Variants in GC observed in about 807,000 individuals in gnomAD.
The protein encoded by GC is vitamin D-binding protein.
In GC, 43 loss-of-function variants were observed where a neutral mutation model predicts 56.7. The ratio of observed to expected loss-of-function variants is 0.76; its 90% CI spans 0.59 to 0.98. GC has a LOEUF of 0.98. GC is among the 50% of genes least tolerant of loss of function. The probability of loss-of-function intolerance (pLI) is 0.00; values close to 1 mark genes in which losing one functional copy is unlikely to be tolerated. For synonymous variants in GC, 216 were observed against 202.7 expected (o/e 1.07, Z -0.56); for missense variants, 529 against 545.9 (o/e 0.97, Z 0.31).
At chr4:71,785,648 C>T (rs780485926), upstream of GC, among the ~76,000 whole-genome samples, 10 of 151,706 alleles carry the variant, frequency 6.6e-5, no homozygotes, top group Non-Finnish European at 1.2e-4. Context: ...CTTTCCTGTC[C>T]AAGAGCCAAC....
intron 1 of GC, among the ~76,000 whole-genome samples, chr4:71,776,056 A>G (rs1742498444): frequency 2.6e-5 from 4 of 152,028 alleles, no homozygotes; most frequent in Admixed American, 2.0e-4. Flanking sequence ...GTTGGTGGAA[A>G]TATACATTAG....
chr4:71,763,884 C>G lies in GC; in HGVS notation c.526G>C (p.Val176Leu), dbSNP rs1244219524. ...GAAAGATAACTCTTGGTGTAACTGACTAAAAGTGACAGAGGAGCTTGTCCG... is the reference window on the plus strand; with the variant it reads ...GAAAGATAACTCTTGGTGTAACTGAGTAAAAGTGACAGAGGAGCTTGTCCG... ...NYGQAPLSLL[V>L]SYTKSYLSMV... The change falls in exon 5 of 13, where the codon GTC (valine) becomes CTC (leucine). Residue 176 changes from valine (V) to leucine (L), a missense_variant. By Grantham distance (32) the Val-to-Leu change is conservative. Transcript: ENST00000273951. 5 of 1,610,124 alleles carry G rather than the reference C, an allele frequency of 3.1e-6. No homozygotes were observed. The highest frequency in any genetic ancestry group is 4.2e-6 in the Non-Finnish European group (5 of 1,176,474).
rs1468686382 is a variant in GC, at chr4:71,765,645, TG to T, written c.262-3del. ...GGACTTGGCAGACAGTGCTGAGGTC[TG>T]GAGGAGAAGGAAAAAGGAAACTCAT... On this transcript the variant is annotated splice_region_variant and splice_polypyrimidine_tract_variant and intron_variant, in intron 3 of 12. Coordinates refer to ENST00000273951, the MANE Select transcript of GC (RefSeq NM_000583.4). 2 of 1,601,410 alleles carry T rather than the reference TG, an allele frequency of 1.2e-6. No homozygotes were observed. Among genetic ancestry groups the T allele is most frequent in the South Asian group, 2.2e-5 (2 of 90,824 alleles).
chr4:71,765,116 C>A (rs934766589), intron 4 of GC, among the ~76,000 whole-genome samples: 46 of 152,208 alleles, frequency 3.0e-4, no homozygotes, highest in Admixed American at 5.2e-4. Flanking sequence ...ACGCAATGAT[C>A]CTTAGCATCA....
chr4:71,802,909 C>T (rs963430816), intron 1 of GC, among the ~76,000 whole-genome samples: 16 of 152,160 alleles, frequency 1.1e-4, no homozygotes, highest in Non-Finnish European at 1.3e-4. Context: ...CCAGCCACAA[C>T]CCTGTCTTAC....
chr4:71,786,828 T>C (rs921279925), upstream of GC, among the ~76,000 whole-genome samples: 1 of 151,904 alleles, frequency 6.6e-6, no homozygotes, highest in African/African-American at 2.4e-5. Flanking sequence ...CCTGTAGAAA[T>C]GACCTTCTTC....
intron 10 of GC, 75 bp downstream of exon 10, chr4:71,754,336 C>A: frequency 1.4e-6 from 1 of 722,980 alleles, no homozygotes; most frequent in East Asian, 2.7e-5. Context: ...AAGTGTTCAA[C>A]TATGCTTTCA....
At chr4:71,776,528 T>C (rs1245950851) in intron 1 of GC, among the ~76,000 whole-genome samples, 3 of 151,824 alleles carry the variant, frequency 2.0e-5, no homozygotes, top group African/African-American at 7.2e-5. Context: ...GAGGAGCTGC[T>C]GGGAAAATAG....
intron 2 of GC, among the ~76,000 whole-genome samples, chr4:71,768,705 C>G (rs1053477177): frequency 3.3e-5 from 5 of 152,146 alleles, no homozygotes; most frequent in Non-Finnish European, 7.4e-5. Flanking sequence ...ACTTTGCGAT[C>G]CACCCTCCTT....
chr4:71,767,911 T>C (rs2149301602), intron 3 of GC, among the ~76,000 whole-genome samples: 1 of 152,156 alleles, frequency 6.6e-6, no homozygotes, highest in South Asian at 2.1e-4. Flanking sequence ...ACATACGATA[T>C]TTGGGTTTTC....
At chr4:71,762,254 A>G (rs1238977769) in intron 6 of GC, among the ~76,000 whole-genome samples, 1 of 152,112 alleles carries the variant, frequency 6.6e-6, no homozygotes, top group African/African-American at 2.4e-5. Context: ...TTAAGATTTG[A>G]CTGCCCCACT....
chr4:71,794,081 C>T (rs865960299), intron 1 of GC, among the ~76,000 whole-genome samples: 1 of 152,280 alleles, frequency 6.6e-6, no homozygotes, highest in African/African-American at 2.4e-5. Flanking sequence ...AAGATTTTTG[C>T]ATCATTGCTC....
In GC at chr4:71,796,400, A is replaced by T. The variant is rs112576164; in HGVS notation, c.21+7526T>A. Among the ~76,000 whole-genome samples, 26 of 152,020 alleles carry T rather than the reference A, an allele frequency of 1.7e-4. 2 individuals are homozygous for T. Among genetic ancestry groups the T allele is most frequent in the African/African-American group, 6.3e-4 (26 of 41,418 alleles). ...TTCTCTTAATTTGTCTTTTCACTCT[A>T]TTTCATTAATTTGATCTTCAATCGC... On this transcript the variant is annotated intron_variant, in intron 1 of 13. Coordinates refer to the GC transcript ENST00000504199.
At chr4:71,787,715 T>C (rs1742872188), upstream of GC, among the ~76,000 whole-genome samples, 1 of 151,834 alleles carries the variant, frequency 6.6e-6, no homozygotes, top group Non-Finnish European at 1.5e-5. Context: ...CCTGTGGTGC[T>C]GGCAGAGGCG....
Position 71,752,500 on chromosome 4 carries a change from A to G in GC, c.1395+18T>C. On this transcript the variant is annotated intron_variant, in intron 11 of 12. Transcript: ENST00000273951. ...TAAAAGATTCTGCCATGTTAAGTGG[A>G]GGGTTACATTTTCCTACCTCTGAAT... 2.5e-6 allele frequency: 4 copies of G among 1,602,684 alleles called. No individual in the cohort carries two copies. The highest frequency in any genetic ancestry group is 3.4e-6 in the Non-Finnish European group (4 of 1,173,552).
At chr4:71,803,875 T>G (rs1743304011) in intron 1 of GC, 2 of 1,044,758 alleles carry the variant, frequency 1.9e-6, no homozygotes, top group Non-Finnish European at 2.9e-6. Context: ...AAACTAAAGC[T>G]CAGAGAGTAC....
chr4:71,768,778 C>G (rs1338724496), intron 2 of GC, among the ~76,000 whole-genome samples: 3 of 152,140 alleles, frequency 2.0e-5, no homozygotes, highest in Admixed American at 6.5e-5. Flanking sequence ...CTGAAACTTT[C>G]TTTTTACATT....
At chr4:71,782,863 T>A (rs1055175238) in intron 1 of GC, among the ~76,000 whole-genome samples, 1 of 151,950 alleles carries the variant, frequency 6.6e-6, no homozygotes, top group African/African-American at 2.4e-5. Context: ...AGAGGTCTTA[T>A]AAGGGACACA....
intron 12 of GC, among the ~76,000 whole-genome samples, chr4:71,744,707 T>A (rs564941465): frequency 6.6e-6 from 1 of 152,158 alleles, no homozygotes; most frequent in African/African-American, 2.4e-5. Context: ...ACCCTGACTC[T>A]TAATTAAAGC....
Sources: allele counts gnomAD v4.1 joint callset (sites outside exome capture counted in the v4.1 genomes callset), GRCh38; gene constraint gnomAD v4.1.1; transcripts MANE v1.5; gene names NCBI Gene and HGNC (gene_info 2026-07-23, HGNC 2026-07-21).